LINGO2: variants seen among roughly 807,000 people sequenced by gnomAD.
LINGO2 encodes leucine-rich repeat and immunoglobulin-like domain-containing nogo receptor-interacting protein 2.
In LINGO2, 14 loss-of-function variants were observed where a neutral mutation model predicts 30.6. The observed-to-expected ratio is 0.46, with a 90% CI of 0.30 to 0.72. LINGO2 has a LOEUF of 0.72. Among genes scored for constraint, LINGO2 ranks in the 30% least tolerant of loss-of-function variants. The probability of loss-of-function intolerance (pLI) is 0.07; values close to 1 mark genes in which losing one functional copy is unlikely to be tolerated. For missense variants in LINGO2, 729 were observed against 751.7 expected, an observed-to-expected ratio of 0.97 and a Z score of 0.35; for synonymous variants, 317 against 288.5, an observed-to-expected ratio of 1.10 and a Z score of -1.00.
chr9:29,156,648 T>G, the LINGO2 span, among the ~76,000 whole-genome samples: 1 of 152,072 alleles, frequency 6.6e-6, no homozygotes, highest in Non-Finnish European at 1.5e-5. Context: ...ATGAAAAAGT[T>G]ATTTGTGTCT....
chr9:28,182,512 T>C (rs948735716), intron 4 of LINGO2, among the ~76,000 whole-genome samples: 6 of 152,092 alleles, frequency 3.9e-5, no homozygotes, highest in Non-Finnish European at 8.8e-5. Context: ...GAAACTATCA[T>C]CATAGTGAAC....
At chr9:29,107,244 C>G in the LINGO2 span, among the ~76,000 whole-genome samples, 4 of 152,108 alleles carry the variant, frequency 2.6e-5, no homozygotes, top group South Asian at 2.1e-4. Context: ...TGCAATCATA[C>G]TTACAAATTC....
At chr9:28,323,992 T>C (rs1164267188) in intron 3 of LINGO2, among the ~76,000 whole-genome samples, 1 of 152,198 alleles carries the variant, frequency 6.6e-6, no homozygotes, top group East Asian at 1.9e-4. Context: ...TCCTTTGTTT[T>C]GCAGATTCTA....
chr9:28,613,880 T>A (rs1013715863), intron 1 of LINGO2, among the ~76,000 whole-genome samples: 3 of 152,186 alleles, frequency 2.0e-5, no homozygotes, highest in African/African-American at 7.2e-5. Flanking sequence ...CTTATGGATA[T>A]CCACAATTTG....
At chr9:28,229,425 G>A (rs1320159336) in intron 4 of LINGO2, among the ~76,000 whole-genome samples, 1 of 151,578 alleles carries the variant, frequency 6.6e-6, no homozygotes, top group East Asian at 1.9e-4. Flanking sequence ...AAGAAAATAA[G>A]TTAATAGTAG....
chr9:28,876,461 T>G, the LINGO2 span, among the ~76,000 whole-genome samples: 3 of 151,144 alleles, frequency 2.0e-5, no homozygotes, highest in African/African-American at 7.3e-5. Flanking sequence ...CCATGTGTTC[T>G]CATTGTTCAA....
At chr9:28,027,735 T>G (rs1384070938) in intron 4 of LINGO2, among the ~76,000 whole-genome samples, 1 of 152,192 alleles carries the variant, frequency 6.6e-6, no homozygotes, top group African/African-American at 2.4e-5. Flanking sequence ...TTTAGCACAA[T>G]GAAACACGTC....
the LINGO2 span, among the ~76,000 whole-genome samples, chr9:28,959,386 G>A: frequency 1.3e-5 from 2 of 151,732 alleles, no homozygotes; most frequent in African/African-American, 4.8e-5. Flanking sequence ...GTGAGGTCTA[G>A]ATACATTATA....
chr9:28,655,171 C>T (rs1036427635), intron 1 of LINGO2, among the ~76,000 whole-genome samples: 2 of 152,036 alleles, frequency 1.3e-5, no homozygotes, highest in Non-Finnish European at 2.9e-5. Context: ...TTATAAGGGA[C>T]TTCCTTCTTC....
At chr9:27,983,252 ATAG>A (rs1387092734) in intron 5 of LINGO2, among the ~76,000 whole-genome samples, 5 of 151,928 alleles carry the variant, frequency 3.3e-5, no homozygotes, top group Non-Finnish European at 5.9e-5. Flanking sequence ...GCATTAGTTA[ATAG>A]TAGAGATGTT....
At chr9:28,719,223 G>A in the LINGO2 span, among the ~76,000 whole-genome samples, 2 of 151,912 alleles carry the variant, frequency 1.3e-5, no homozygotes, top group East Asian at 1.9e-4. Flanking sequence ...GATTCTACCC[G>A]TTTGTGTCTT....
intron 3 of LINGO2, among the ~76,000 whole-genome samples, chr9:28,298,759 T>C (rs1178981945): frequency 6.6e-6 from 1 of 151,458 alleles, no homozygotes; most frequent in Non-Finnish European, 1.5e-5. Context: ...ACTTAAATGT[T>C]CTAAAATGAA....
the LINGO2 span, among the ~76,000 whole-genome samples, chr9:29,110,986 G>A: frequency 7.1e-6 from 1 of 140,632 alleles, no homozygotes; most frequent in Non-Finnish European, 1.5e-5. Context: ...ACGGCGCCCG[G>A]CCTGGAAGTT....
At chr9:28,869,518 G>C in the LINGO2 span, among the ~76,000 whole-genome samples, 2 of 151,960 alleles carry the variant, frequency 1.3e-5, no homozygotes, top group African/African-American at 4.8e-5. Context: ...CAATGTGTCT[G>C]AATTAGGAAC....
intron 4 of LINGO2, among the ~76,000 whole-genome samples, chr9:28,213,568 T>C (rs1357672941): frequency 6.6e-6 from 1 of 151,454 alleles, no homozygotes; most frequent in East Asian, 1.9e-4. Flanking sequence ...TCCTTTTTTT[T>C]CTCTTTAAAA....
chr9:29,189,172 G>T, the LINGO2 span, among the ~76,000 whole-genome samples: 1 of 147,826 alleles, frequency 6.8e-6, no homozygotes, highest in East Asian at 2.1e-4. Flanking sequence ...CTCCTGGACG[G>T]GGCGGCTGGC....
the LINGO2 span, among the ~76,000 whole-genome samples, chr9:28,967,029 G>C: frequency 7.9e-5 from 12 of 152,100 alleles, no homozygotes; most frequent in Non-Finnish European, 1.8e-4. Context: ...TTTTGGAAAA[G>C]AAGAAATGAG....
chr9:28,288,244 A>G (rs1320390293), intron 4 of LINGO2, among the ~76,000 whole-genome samples: 1 of 152,112 alleles, frequency 6.6e-6, no homozygotes, highest in Non-Finnish European at 1.5e-5. Flanking sequence ...CTCTCCCAAT[A>G]TCACAATTTC....
intron 4 of LINGO2, among the ~76,000 whole-genome samples, chr9:28,119,967 C>T (rs1313236845): frequency 1.3e-5 from 2 of 152,172 alleles, no homozygotes; most frequent in South Asian, 4.1e-4. Flanking sequence ...TTATTCCCAA[C>T]ATACCTATTG....
Sources: gnomAD v4.1 joint callset for allele counts (sites outside exome capture counted in the v4.1 genomes callset) on GRCh38, gnomAD v4.1.1 for gene constraint, MANE v1.5 for transcripts, NCBI Gene and HGNC (gene_info 2026-07-23, HGNC 2026-07-21) for gene names.